The following CSMD3 variants were observed in gnomAD, a reference collection of about 807,000 sequenced individuals.
The protein encoded by CSMD3 is CUB and Sushi multiple domains 3, also known as CUB and sushi domain-containing protein 3.
A neutral mutation model predicts 435.2 loss-of-function variants in CSMD3; 177 were observed. The ratio of observed to expected loss-of-function variants is 0.41; its 90% confidence interval spans 0.36 to 0.46. The LOEUF (loss-of-function observed/expected upper bound fraction) is 0.46. CSMD3 is among the 20% of genes least tolerant of loss of function. The pLI is 0.34. For synonymous variants in CSMD3, 1,656 were observed against 1,520.5 expected, an observed-to-expected ratio of 1.09 and a Z score of -2.07; for missense variants, 4,265 against 4,504.6, an observed-to-expected ratio of 0.95 and a Z score of 1.52.
intron 31 of CSMD3, among the ~76,000 whole-genome samples, chr8:112,474,315 G>A (rs753717854): frequency 1.3e-5 from 2 of 152,118 alleles, no homozygotes; most frequent in African/African-American, 4.8e-5. Flanking sequence ...GGGGGCAAGT[G>A]GGGGAGGCTA....
intron 37 of CSMD3, among the ~76,000 whole-genome samples, chr8:112,382,775 A>C (rs1398523484): frequency 6.6e-6 from 1 of 152,172 alleles, no homozygotes; most frequent in African/African-American, 2.4e-5. Flanking sequence ...GGATCACCTG[A>C]AGTCAGAAGT....
intron 5 of CSMD3, among the ~76,000 whole-genome samples, chr8:113,091,146 G>A (rs1418219293): frequency 6.6e-6 from 1 of 152,016 alleles, no homozygotes; most frequent in African/African-American, 2.4e-5. Context: ...CCAAGCATTA[G>A]AAATTATGAT....
chr8:113,400,605 C>T (rs2094505441), intron 1 of CSMD3, among the ~76,000 whole-genome samples: 1 of 151,520 alleles, frequency 6.6e-6, no homozygotes, highest in African/African-American at 2.4e-5. Flanking sequence ...ATTAACATGG[C>T]CAAAAAGAAG....
intron 5 of CSMD3, among the ~76,000 whole-genome samples, chr8:113,050,383 T>C (rs1022617679): frequency 2.0e-5 from 3 of 152,102 alleles, no homozygotes; most frequent in Non-Finnish European, 2.9e-5. Flanking sequence ...ATTTGTATTC[T>C]ACACAGAGCA....
In CSMD3 at chr8:112,829,714, C is replaced by T. The variant is rs925386388; in HGVS notation, c.1831G>A (p.Val611Ile). The change falls in exon 12 of 71, where the codon GTT becomes ATT. Residue 611 changes from valine to isoleucine, a missense_variant. Physicochemically the swap from Val to Ile is conservative, Grantham distance 29 (BLOSUM62 3). This residue lies in a region of CSMD3 where 731 missense variants were observed against 755.4 expected (regional missense o/e 0.97). Coordinates refer to ENST00000297405, the MANE Select transcript of CSMD3 (RefSeq NM_198123.2). ...DTLTIGDGGE[V>I]GDPRTVLQVL... ...TGGAGCACTGTCCTAGGATCTCCAA[C>T]TTCGCCCCCATCGCCAATTGTCAAG... 6.2e-7 allele frequency: 1 copy of T among 1,612,686 alleles called. No homozygotes were observed. The highest frequency in any genetic ancestry group is 8.5e-7 in the Non-Finnish European group (1 of 1,178,796).
intron 55 of CSMD3, 151 bp from the exon 56 acceptor site, chr8:112,291,846 A>G (rs1295981860): frequency 2.6e-4 from 161 of 629,928 alleles, no homozygotes; most frequent in Non-Finnish European, 2.7e-5. Flanking sequence ...TGGATTATCT[A>G]GAAAATGGAC....
chr8:113,137,959 G>A (rs1044154110), intron 4 of CSMD3, among the ~76,000 whole-genome samples: 4 of 151,554 alleles, frequency 2.6e-5, no homozygotes, highest in African/African-American at 9.7e-5. Context: ...ACTCTTCAAT[G>A]TGAATAATAT....
intron 4 of CSMD3, among the ~76,000 whole-genome samples, chr8:113,135,708 T>C (rs1174178772): frequency 1.3e-5 from 2 of 151,906 alleles, no homozygotes; most frequent in Non-Finnish European, 2.9e-5. Flanking sequence ...TTCAGCCAAA[T>C]CTTCGTTTTC....
At chr8:112,322,289 G>A (rs925394419) in intron 45 of CSMD3, among the ~76,000 whole-genome samples, 1 of 152,016 alleles carries the variant, frequency 6.6e-6, no homozygotes, top group African/African-American at 2.4e-5. Flanking sequence ...CTCAGTCACA[G>A]GATTTAAAAG....
At chr8:112,269,918 A>G (rs758712731) in intron 59 of CSMD3, among the ~76,000 whole-genome samples, 35 of 152,182 alleles carry the variant, frequency 2.3e-4, no homozygotes, top group Non-Finnish European at 4.0e-4. Flanking sequence ...CTTGATTTCA[A>G]GATACAATAT....
At chr8:112,571,255 C>T (rs1035438819) in intron 24 of CSMD3, among the ~76,000 whole-genome samples, 2 of 152,152 alleles carry the variant, frequency 1.3e-5, no homozygotes, top group Admixed American at 6.6e-5. Context: ...GATCTGCCTG[C>T]CTCAGCCTCC....
chr8:112,437,266 T>A (rs17560620), intron 32 of CSMD3, among the ~76,000 whole-genome samples: 28,219 of 152,048 alleles, frequency 0.19, 3,208 homozygotes, highest in Middle Eastern at 0.36. Flanking sequence ...GTTCCACATG[T>A]TTCTATCAAT....
At chr8:113,275,754 C>T (rs2093564593) in intron 3 of CSMD3, among the ~76,000 whole-genome samples, 1 of 151,962 alleles carries the variant, frequency 6.6e-6, no homozygotes, top group African/African-American at 2.4e-5. Context: ...AATCCCAGTG[C>T]TTTGAGAGAT....
intron 1 of CSMD3, among the ~76,000 whole-genome samples, chr8:113,404,414 A>G (rs1051452082): frequency 4.6e-5 from 7 of 151,360 alleles, no homozygotes; most frequent in African/African-American, 1.7e-4. Flanking sequence ...CAGTTACAAG[A>G]GAATTCGACT....
At chr8:112,800,665 T>C (rs893893219) in intron 12 of CSMD3, among the ~76,000 whole-genome samples, 1 of 152,062 alleles carries the variant, frequency 6.6e-6, no homozygotes, top group Non-Finnish European at 1.5e-5. Flanking sequence ...TAGAGAAATA[T>C]TGTTAAAATA....
intron 23 of CSMD3, among the ~76,000 whole-genome samples, chr8:112,584,811 T>C (rs6469424): frequency 0.56 from 84,225 of 150,900 alleles, 23,789 homozygotes; most frequent in African/African-American, 0.63. Flanking sequence ...CTAGTTTAAA[T>C]ATAGGGATCT....
At chr8:112,821,112 C>A (rs11986076) in intron 12 of CSMD3, among the ~76,000 whole-genome samples, 46,345 of 151,920 alleles carry the variant, frequency 0.31, 7,397 homozygotes, top group African/African-American at 0.36. Context: ...TTCAATAAAC[C>A]TATGTGTGCA....
At chr8:112,804,365 A>G (rs2132348632) in intron 12 of CSMD3, among the ~76,000 whole-genome samples, 1 of 152,276 alleles carries the variant, frequency 6.6e-6, no homozygotes, top group Admixed American at 6.5e-5. Flanking sequence ...ATCCAGTAAG[A>G]ACTATTTAGT....
rs63655062 is a variant in CSMD3, at chr8:113,340,882, A to G, written c.179-26089T>C. Among the ~76,000 whole-genome samples, 24 of 138,040 alleles carry G rather than the reference A, an allele frequency of 1.7e-4. No individual in the cohort carries two copies. In the East Asian group the frequency reaches 2.6e-3, roughly 15 times the overall value. The allele number at this position is 138,040 out of a possible 152,430, so 90.6% of individuals were successfully genotyped here. On this transcript the variant is annotated intron_variant, in intron 1 of 70. Transcript: ENST00000297405. ...AGACTTTGTCTCAAAAAAAAAAAAA[A>G]GGGAAATATTTGTCTACTCCACCAG...
Sources: allele counts gnomAD v4.1 joint callset (sites outside exome capture counted in the v4.1 genomes callset), GRCh38; gene constraint gnomAD v4.1.1; regional missense constraint gnomAD v4.1.1; transcripts MANE v1.5; gene names NCBI Gene and HGNC (gene_info 2026-07-23, HGNC 2026-07-21).